The following PDSS1 variants were observed in gnomAD, a reference collection of about 807,000 sequenced individuals.
The protein encoded by PDSS1 is all trans-polyprenyl-diphosphate synthase PDSS1.
In PDSS1, 43 loss-of-function variants were observed where a neutral mutation model predicts 57.5. The ratio of observed to expected loss-of-function variants is 0.75; its 90% CI spans 0.59 to 0.96. The LOEUF (loss-of-function observed/expected upper bound fraction) is 0.96, where lower values mean the gene tolerates loss of function less well. Ranked by LOEUF, PDSS1 falls within the 50% of genes least tolerant of loss-of-function variation. PDSS1 has a pLI of 0.00. For synonymous variants in PDSS1, 175 were observed against 191.3 expected, an observed-to-expected ratio of 0.91 and a Z score of 0.70; for missense variants, 438 against 527.8, an observed-to-expected ratio of 0.83 and a Z score of 1.67.
At chr10:26,709,563 A>AC in intron 4 of PDSS1, 75 bp from the exon 5 acceptor site, 1 of 1,452,846 alleles carries the variant, frequency 6.9e-7, no homozygotes, top group Non-Finnish European at 9.6e-7. Flanking sequence ...CTCCGTCTCA[A>AC]AAAAAAAAAG....
intron 4 of PDSS1, among the ~76,000 whole-genome samples, chr10:26,708,373 AC>A (rs575821088): frequency 1.1e-3 from 169 of 152,194 alleles, no homozygotes; most frequent in African/African-American, 3.9e-3. Flanking sequence ...GTGAATCAGA[AC>A]CCTGTTTAGG....
At chr10:26,743,510 C>T (rs1020994274) in intron 11 of PDSS1, among the ~76,000 whole-genome samples, 1 of 152,146 alleles carries the variant, frequency 6.6e-6, no homozygotes, top group African/African-American at 2.4e-5. Context: ...GGGTTACTGC[C>T]TTTTTTGGAG....
At chr10:26,742,450 A>G (rs1836654151) in intron 10 of PDSS1, 47 bp from the exon 11 acceptor site, 3 of 1,348,158 alleles carry the variant, frequency 2.2e-6, no homozygotes, top group South Asian at 1.2e-5. Flanking sequence ...TGTTTCTCCC[A>G]AGAGAAATAA....
At chr10:26,740,315 A>G (rs1262278288) in intron 10 of PDSS1, among the ~76,000 whole-genome samples, 8 of 152,178 alleles carry the variant, frequency 5.3e-5, no homozygotes, top group Admixed American at 1.3e-4. Flanking sequence ...TAACAAAACT[A>G]AAACCTACTT....
At chr10:26,709,142 G>A (rs868609929) in intron 4 of PDSS1, among the ~76,000 whole-genome samples, 26 of 152,194 alleles carry the variant, frequency 1.7e-4, no homozygotes, top group African/African-American at 4.8e-4. Flanking sequence ...GCTGATCCAC[G>A]CATTGTTTAT....
chr10:26,742,560 C>G lies in PDSS1; in HGVS notation c.1090C>G (p.Arg364Gly), dbSNP rs1052709646. 9 of 1,607,938 alleles carry G rather than the reference C, an allele frequency of 5.6e-6. No homozygotes were observed. Among genetic ancestry groups the G allele is most frequent in the Non-Finnish European group, 7.7e-6 (9 of 1,175,232 alleles). The change falls in exon 11 of 12, where the codon CGA becomes GGA. Residue 364 changes from arginine to glycine, a missense_variant. Arg to Gly is a moderately radical substitution (Grantham distance 125). This residue lies in a region of PDSS1 where 284 missense variants were observed against 390.7 expected (regional missense o/e 0.73). Transcript: ENST00000376215. ...TTTGCCTGGAGATGTAGACAGAGCT[C>G]GACAGTATGTACTACAGGTAAGACT... ...FSLPGDVDRA[R>G]QYVLQSDGVQ...
Position 26,742,586 on chromosome 10 carries a change from G to T in PDSS1, c.1107+9G>T, listed in dbSNP as rs755816766. On this transcript the variant is annotated intron_variant, in intron 11 of 11. Transcript: ENST00000376215. ...GACAGTATGTACTACAGGTAAGACTGTTTTTTTAAAAAAAAGGCAGCAGCA... is the reference window on the plus strand; with the variant it reads ...GACAGTATGTACTACAGGTAAGACTTTTTTTTTAAAAAAAAGGCAGCAGCA... The T allele has an allele frequency of 8.9e-6, 14 of 1,577,142 alleles. No homozygotes were observed. The highest frequency in any genetic ancestry group is 1.1e-5 in the Non-Finnish European group (13 of 1,147,436).
At chr10:26,722,675 G>A (rs991414179) in intron 6 of PDSS1, among the ~76,000 whole-genome samples, 8 of 150,684 alleles carry the variant, frequency 5.3e-5, no homozygotes, top group Non-Finnish European at 1.2e-4. Context: ...CTGTACTCAA[G>A]CCTGGGCAAC....
intron 5 of PDSS1, among the ~76,000 whole-genome samples, chr10:26,711,400 G>T (rs1220447848): frequency 3.0e-5 from 3 of 99,026 alleles, no homozygotes; most frequent in Non-Finnish European, 7.0e-5. Context: ...AGCTTTCTCT[G>T]CCCTGCTGCT....
intron 10 of PDSS1, chr10:26,740,940 C>A: frequency 4.2e-6 from 1 of 236,606 alleles, no homozygotes; most frequent in South Asian, 5.3e-5. Flanking sequence ...ATCGATTTTA[C>A]CTTCAGTTCC....
intron 8 of PDSS1, among the ~76,000 whole-genome samples, chr10:26,724,449 TCA>T (rs1037398612): frequency 6.6e-6 from 1 of 152,122 alleles, no homozygotes; most frequent in East Asian, 1.9e-4. Flanking sequence ...ATGATTGATA[TCA>T]CACACACTCT....
intron 5 of PDSS1, chr10:26,717,678 G>A (rs1309728291): frequency 6.6e-6 from 1 of 152,130 alleles, no homozygotes; most frequent in East Asian, 1.9e-4. Flanking sequence ...CTCAGCAGGA[G>A]CCCCGTCTGC....
chr10:26,741,999 C>A (rs1256790327), intron 10 of PDSS1, among the ~76,000 whole-genome samples: 1 of 152,192 alleles, frequency 6.6e-6, no homozygotes, highest in Non-Finnish European at 1.5e-5. Context: ...CCTCAGCCTC[C>A]CGAGTAGCTG....
intron 4 of PDSS1, among the ~76,000 whole-genome samples, chr10:26,708,250 C>T (rs1216058844): frequency 6.6e-6 from 1 of 152,164 alleles, no homozygotes; most frequent in African/African-American, 2.4e-5. Context: ...TCACCTGTGC[C>T]GAGCTGAGGT....
At chr10:26,731,001 G>C (rs551763278) in intron 8 of PDSS1, among the ~76,000 whole-genome samples, 15 of 152,180 alleles carry the variant, frequency 9.9e-5, no homozygotes, top group African/African-American at 3.1e-4. Context: ...GAGGTCAGGA[G>C]TTCGAGACCA....
At position 26,727,074 on chromosome 10, in the gene PDSS1, C is replaced by A. The variant is rs1466456024; in HGVS notation, c.831+2951C>A. Among the ~76,000 whole-genome samples, 353 of 146,418 alleles carry A rather than the reference C, an allele frequency of 2.4e-3. 2 individuals are homozygous for A. The highest frequency in any genetic ancestry group is 7.8e-3 in the African/African-American group (311 of 39,704). On this transcript the variant is annotated intron_variant, in intron 8 of 11. Transcript: ENST00000376215. ...GAGAGTCTCTCAAAAAAAAAACAAA[C>A]AAACCAGAATTCATGTTATTATCAA...
intron 10 of PDSS1, 70 bp from the exon 11 acceptor site, chr10:26,742,427 G>T: frequency 9.3e-7 from 1 of 1,078,568 alleles, no homozygotes; most frequent in South Asian, 1.3e-5. Context: ...TTACAAACTA[G>T]TGTTAGAACA....
chr10:26,737,683 A>G (rs994770041), intron 10 of PDSS1, among the ~76,000 whole-genome samples: 4 of 139,758 alleles, frequency 2.9e-5, no homozygotes, highest in African/African-American at 1.1e-4. Context: ...GTGAGCCGAG[A>G]CTGCACTCCA....
At chr10:26,740,486 CAT>C (rs975208110) in intron 10 of PDSS1, among the ~76,000 whole-genome samples, 4 of 152,236 alleles carry the variant, frequency 2.6e-5, no homozygotes, top group African/African-American at 4.8e-5. Flanking sequence ...GCAGTCTCCA[CAT>C]GTTTAGAGCT....
Sources: allele counts gnomAD v4.1 joint callset (sites outside exome capture counted in the v4.1 genomes callset), GRCh38; gene constraint gnomAD v4.1.1; regional missense constraint gnomAD v4.1.1; transcripts MANE v1.5; gene names NCBI Gene and HGNC (gene_info 2026-07-23, HGNC 2026-07-21).